Variants in MACROD1 observed in about 807,000 individuals in gnomAD.
MACROD1 encodes the protein mono-ADP ribosylhydrolase 1, also known as ADP-ribose glycohydrolase MACROD1.
In MACROD1, 31 loss-of-function variants were observed where a neutral mutation model predicts 41.4. That is an observed-to-expected ratio of 0.75 (90% CI 0.56 to 1.01). MACROD1 has a LOEUF of 1.01. Among genes scored for constraint, MACROD1 ranks in the 50% least tolerant of loss-of-function variants. The pLI, the probability that MACROD1 is intolerant of heterozygous loss-of-function variation, is 0.00. For missense variants in MACROD1, 473 were observed against 460.0 expected (o/e 1.03, Z -0.26); for synonymous variants, 252 against 203.4 (o/e 1.24, Z -2.03).
intron 3 of MACROD1, among the ~76,000 whole-genome samples, chr11:64,051,231 C>T (rs1206813840): frequency 6.6e-6 from 1 of 152,254 alleles, no homozygotes; most frequent in Non-Finnish European, 1.5e-5. Context: ...ATGATGTGGG[C>T]AGCAGCCTTA....
chr11:64,105,191 CG>C (rs1170830709), intron 3 of MACROD1, among the ~76,000 whole-genome samples: 1 of 152,206 alleles, frequency 6.6e-6, no homozygotes, highest in Non-Finnish European at 1.5e-5. Flanking sequence ...ACAGCGGGGC[CG>C]CGAGCGTGCC....
intron 4 of MACROD1, among the ~76,000 whole-genome samples, chr11:64,003,143 G>GC (rs1942854027): frequency 6.6e-6 from 1 of 152,110 alleles, no homozygotes; most frequent in African/African-American, 2.4e-5. Context: ...CCAGAAGATG[G>GC]CCCCTAAGGC....
chr11:64,110,869 C>T (rs1299380122), intron 3 of MACROD1, among the ~76,000 whole-genome samples: 1 of 152,206 alleles, frequency 6.6e-6, no homozygotes, highest in Non-Finnish European at 1.5e-5. Flanking sequence ...AGAGATTCCT[C>T]TGGTGAGGCG....
chr11:64,057,092 G>A (rs568946890), intron 3 of MACROD1, among the ~76,000 whole-genome samples: 92 of 152,338 alleles, frequency 6.0e-4, no homozygotes, highest in Admixed American at 1.2e-3. Context: ...CAGCTCTCAC[G>A]AAACAGGGCT....
At chr11:64,074,743 G>A (rs1357710986) in intron 3 of MACROD1, among the ~76,000 whole-genome samples, 2 of 152,162 alleles carry the variant, frequency 1.3e-5, no homozygotes, top group Non-Finnish European at 2.9e-5. Context: ...AGAGGCCCAG[G>A]GGTGACCAGG....
At chr11:64,011,695 G>T (rs1435565882) in intron 4 of MACROD1, among the ~76,000 whole-genome samples, 1 of 151,956 alleles carries the variant, frequency 6.6e-6, no homozygotes, top group Non-Finnish European at 1.5e-5. Context: ...TCAGGGTTCT[G>T]GGCAGAGTGG....
intron 3 of MACROD1, chr11:64,118,357 C>A: frequency 6.8e-7 from 1 of 1,476,516 alleles, no homozygotes. Flanking sequence ...GTGGCTTTGC[C>A]CAGCCTGCTG....
intron 3 of MACROD1, 128 bp downstream of exon 3, chr11:64,151,111 G>C (rs1176649200): frequency 2.6e-5 from 19 of 738,786 alleles, no homozygotes; most frequent in Non-Finnish European, 3.7e-5. Context: ...CATGGCGCCA[G>C]CAGGCTGTCC....
chr11:64,005,454 C>A (rs922149841), intron 4 of MACROD1, among the ~76,000 whole-genome samples: 2 of 152,232 alleles, frequency 1.3e-5, no homozygotes, highest in Admixed American at 6.5e-5. Flanking sequence ...CTGGCCCCCA[C>A]CTTCCTAGAC....
intron 3 of MACROD1, among the ~76,000 whole-genome samples, chr11:64,150,901 T>C (rs2282491): frequency 0.3 from 46,057 of 152,078 alleles, 7,575 homozygotes; most frequent in Admixed American, 0.39. Flanking sequence ...GGAAGGCAGG[T>C]GCTGGTTGGG....
chr11:64,047,874 G>A (rs544165820), intron 3 of MACROD1, among the ~76,000 whole-genome samples: 2 of 148,482 alleles, frequency 1.3e-5, no homozygotes, highest in Non-Finnish European at 3.0e-5. Flanking sequence ...TCCAGCCTGG[G>A]TGACAAGAGT....
chr11:64,012,405 CTT>C (rs33975069), intron 4 of MACROD1, among the ~76,000 whole-genome samples: 1 of 146,378 alleles, frequency 6.8e-6, no homozygotes. Flanking sequence ...ATTCAATAAA[CTT>C]TTTTTTTTTT....
At chr11:64,023,448 C>T (rs1416177703) in intron 3 of MACROD1, among the ~76,000 whole-genome samples, 1 of 152,140 alleles carries the variant, frequency 6.6e-6, no homozygotes, top group East Asian at 1.9e-4. Flanking sequence ...CCCGTAAAAC[C>T]TACAGCCTCA....
chr11:64,143,391 A>G (rs1486491520), intron 3 of MACROD1, among the ~76,000 whole-genome samples: 3 of 152,072 alleles, frequency 2.0e-5, no homozygotes, highest in Non-Finnish European at 4.4e-5. Flanking sequence ...CAACGTGTGC[A>G]GCGTGTTGAG....
At chr11:64,069,348 T>C (rs1944063692) in intron 3 of MACROD1, among the ~76,000 whole-genome samples, 1 of 152,168 alleles carries the variant, frequency 6.6e-6, no homozygotes, top group Admixed American at 6.5e-5. Context: ...CACAGGAGGC[T>C]GCCAGAGGAT....
intron 3 of MACROD1, among the ~76,000 whole-genome samples, chr11:64,119,487 TC>T (rs1945059124): frequency 6.6e-6 from 1 of 151,772 alleles, no homozygotes; most frequent in Non-Finnish European, 1.5e-5. Flanking sequence ...TGCTGAATGT[TC>T]CCTCCTAGGA....
At chr11:64,070,363 GC>G (rs1346302482) in intron 3 of MACROD1, among the ~76,000 whole-genome samples, 1 of 152,120 alleles carries the variant, frequency 6.6e-6, no homozygotes, top group East Asian at 1.9e-4. Context: ...GATCCTCCTG[GC>G]CCTTCTGAGC....
chr11:64,083,323 C>A (rs1427364395), intron 3 of MACROD1, among the ~76,000 whole-genome samples: 1 of 152,186 alleles, frequency 6.6e-6, no homozygotes, highest in Non-Finnish European at 1.5e-5. Flanking sequence ...ATAGTCCCAG[C>A]TACTCCAGAG....
At chr11:64,126,628 G>A (rs1486782565) in intron 3 of MACROD1, among the ~76,000 whole-genome samples, 4 of 152,134 alleles carry the variant, frequency 2.6e-5, no homozygotes, top group African/African-American at 9.7e-5. Flanking sequence ...CCCCTTCCCG[G>A]TGGTCTGAAG....
Sources: allele counts gnomAD v4.1 joint callset (sites outside exome capture counted in the v4.1 genomes callset), GRCh38; gene constraint gnomAD v4.1.1; transcripts MANE v1.5; gene names NCBI Gene and HGNC (gene_info 2026-07-23, HGNC 2026-07-21).